The following ARHGAP32 variants were observed in gnomAD, a reference collection of about 807,000 sequenced individuals.
ARHGAP32 encodes rho GTPase-activating protein 32.
Under a neutral mutation model 186.5 loss-of-function variants are expected in ARHGAP32, and 51 were observed. The ratio of observed to expected loss-of-function variants is 0.27; its 90% CI spans 0.22 to 0.35. The LOEUF (loss-of-function observed/expected upper bound fraction) is 0.35. ARHGAP32 is among the 10% of genes least tolerant of loss of function. The pLI is 1.00. For synonymous variants in ARHGAP32, 950 were observed against 964.3 expected (o/e 0.99, Z 0.27); for missense variants, 2,186 against 2,623.5 (o/e 0.83, Z 3.64).
Position 129,067,131 on chromosome 11 carries a change from G to C in ARHGAP32, c.532-263C>G, listed in dbSNP as rs977871809. ...GTCAAAATCCACTGCCTCACTTTCA[G>C]AACAATAACTGCTAAATGGTTAAAA... On this transcript the variant is annotated intron_variant, in intron 6 of 22. Coordinates refer to ENST00000682385, the MANE Select transcript of ARHGAP32 (RefSeq NM_001378024.1). Among the ~76,000 whole-genome samples the C allele has an allele frequency of 7.0e-4, 106 of 151,760 alleles. 3 individuals are homozygous for C. Among genetic ancestry groups the C allele is most frequent in the South Asian group, 2.1e-4 (1 of 4,806 alleles).
chr11:128,976,295 AATAAAT>A (rs1945540540), intron 20 of ARHGAP32, among the ~76,000 whole-genome samples: 1 of 152,164 alleles, frequency 6.6e-6, no homozygotes, highest in Non-Finnish European at 1.5e-5. Context: ...ACTAGATATT[AATAAAT>A]ATAAATAGTT....
chr11:129,142,977 A>G (rs1355406742), intron 2 of ARHGAP32, among the ~76,000 whole-genome samples: 1 of 150,800 alleles, frequency 6.6e-6, no homozygotes, highest in African/African-American at 2.4e-5. Context: ...TGACAAAAAT[A>G]TCATTTCTGC....
At chr11:129,027,770 C>T (rs981467887) in intron 11 of ARHGAP32, among the ~76,000 whole-genome samples, 1 of 152,184 alleles carries the variant, frequency 6.6e-6, no homozygotes, top group Non-Finnish European at 1.5e-5. Context: ...CTCTTCATTG[C>T]CCTTATCTAT....
At chr11:129,276,086 G>A (rs1178129812) in intron 1 of ARHGAP32, among the ~76,000 whole-genome samples, 2 of 152,214 alleles carry the variant, frequency 1.3e-5, no homozygotes, top group Non-Finnish European at 2.9e-5. Flanking sequence ...AGGCCAGCCT[G>A]TGCAACATAG....
intron 5 of ARHGAP32, among the ~76,000 whole-genome samples, chr11:129,111,808 G>A (rs1000385805): frequency 6.6e-6 from 1 of 152,010 alleles, no homozygotes; most frequent in Non-Finnish European, 1.5e-5. Flanking sequence ...AGCCCATGCT[G>A]GAGTGCAGCA....
intron 1 of ARHGAP32, among the ~76,000 whole-genome samples, chr11:129,218,745 C>G (rs1944676633): frequency 6.6e-6 from 1 of 152,042 alleles, no homozygotes; most frequent in Non-Finnish European, 1.5e-5. Flanking sequence ...AAAACAACAA[C>G]AACAACAAAA....
At chr11:129,184,117 CAA>C (rs2135538796) in intron 1 of ARHGAP32, among the ~76,000 whole-genome samples, 1 of 152,122 alleles carries the variant, frequency 6.6e-6, no homozygotes, top group African/African-American at 2.4e-5. Flanking sequence ...CTTTCCACAA[CAA>C]GAGAGATGCT....
chr11:128,992,288 A>G (rs189631590), intron 12 of ARHGAP32, among the ~76,000 whole-genome samples: 1 of 152,294 alleles, frequency 6.6e-6, no homozygotes, highest in East Asian at 1.9e-4. Flanking sequence ...CTAGTTTTCT[A>G]TAAAACTCTC....
intron 1 of ARHGAP32, among the ~76,000 whole-genome samples, chr11:129,277,219 T>C (rs1004185077): frequency 3.9e-5 from 6 of 152,020 alleles, no homozygotes; most frequent in Admixed American, 3.9e-4. Context: ...AAACATCGTT[T>C]ATATAGCACC....
At chr11:129,127,796 A>G (rs145852468) in intron 2 of ARHGAP32, among the ~76,000 whole-genome samples, 81 of 152,170 alleles carry the variant, frequency 5.3e-4, no homozygotes, top group African/African-American at 1.9e-3. Context: ...TTCATGTTAT[A>G]ATTATCACTT....
chr11:129,078,290 C>T (rs1034233487), intron 6 of ARHGAP32, among the ~76,000 whole-genome samples: 3 of 150,860 alleles, frequency 2.0e-5, no homozygotes, highest in African/African-American at 7.3e-5. Context: ...CTCTGTGGGA[C>T]AAAAGAATCT....
intron 15 of ARHGAP32, 145 bp downstream of exon 15, chr11:128,985,858 G>GTA (rs1555063867): frequency 0.069 from 6,611 of 95,748 alleles, 307 homozygotes; most frequent in Admixed American, 0.11. Flanking sequence ...GTGTGTGTGT[G>GTA]TATATATATA....
chr11:129,009,312 A>T (rs1376324026), intron 11 of ARHGAP32, among the ~76,000 whole-genome samples: 2 of 152,124 alleles, frequency 1.3e-5, no homozygotes, highest in African/African-American at 4.8e-5. Flanking sequence ...GGTAATTACT[A>T]GTATGCTGGA....
At chr11:129,231,112 C>T (rs1308361420) in intron 1 of ARHGAP32, among the ~76,000 whole-genome samples, 4 of 152,070 alleles carry the variant, frequency 2.6e-5, no homozygotes, top group Non-Finnish European at 4.4e-5. Context: ...CCAGCCTGGG[C>T]AACAGAGTAA....
chr11:128,975,106 G>T, intron 20 of ARHGAP32, 104 bp from the exon 21 acceptor site: 2 of 894,124 alleles, frequency 2.2e-6, no homozygotes, highest in Non-Finnish European at 3.4e-6. Context: ...CTAGGTGAAG[G>T]AAGTGTTACT....
intron 2 of ARHGAP32, among the ~76,000 whole-genome samples, chr11:129,146,254 T>C (rs570206646): frequency 6.6e-6 from 1 of 152,270 alleles, no homozygotes; most frequent in Admixed American, 6.5e-5. Flanking sequence ...AATTTCACCT[T>C]ATCTATGATT....
At chr11:128,998,816 C>T (rs183127977) in intron 11 of ARHGAP32, among the ~76,000 whole-genome samples, 11 of 152,268 alleles carry the variant, frequency 7.2e-5, no homozygotes, top group Admixed American at 2.0e-4. Flanking sequence ...AATCTCTGAA[C>T]GTAAATTGTG....
intron 11 of ARHGAP32, among the ~76,000 whole-genome samples, chr11:129,022,412 A>G (rs1198168819): frequency 3.9e-5 from 6 of 152,044 alleles, no homozygotes; most frequent in Non-Finnish European, 8.8e-5. Context: ...GAAAGTTTCT[A>G]TATTTGGTGA....
At chr11:129,261,974 A>G (rs1945326229) in intron 1 of ARHGAP32, among the ~76,000 whole-genome samples, 1 of 152,220 alleles carries the variant, frequency 6.6e-6, no homozygotes, top group Admixed American at 6.5e-5. Context: ...AGCGATTACC[A>G]TAACACCAAA....
Sources: allele counts gnomAD v4.1 joint callset (sites outside exome capture counted in the v4.1 genomes callset), GRCh38; gene constraint gnomAD v4.1.1; transcripts MANE v1.5; gene names NCBI Gene and HGNC (gene_info 2026-07-23, HGNC 2026-07-21).